Variants in SNTB1 observed in about 807,000 individuals in gnomAD.
SNTB1 encodes the protein syntrophin beta 1, also known as beta-1-syntrophin.
A neutral mutation model predicts 48.9 loss-of-function variants in SNTB1; 36 were observed. The observed-to-expected ratio is 0.74, with a 90% CI of 0.56 to 0.97. The LOEUF (loss-of-function observed/expected upper bound fraction) is 0.97, where lower values mean the gene tolerates loss of function less well. Ranked by LOEUF, SNTB1 falls within the 50% of genes least tolerant of loss-of-function variation. The probability of loss-of-function intolerance (pLI) is 0.00; values close to 1 mark genes in which losing one functional copy is unlikely to be tolerated. For missense variants in SNTB1, 786 were observed against 703.4 expected (o/e 1.12, Z -1.33); for synonymous variants, 299 against 294.6 (o/e 1.01, Z -0.15).
chr8:120,595,469 G>C (rs1045895757), intron 3 of SNTB1, among the ~76,000 whole-genome samples: 8 of 152,066 alleles, frequency 5.3e-5, no homozygotes, highest in African/African-American at 1.9e-4. Context: ...AAAGGGGGAG[G>C]CATGAATAAT....
chr8:120,715,493 G>A (rs1427665479), intron 1 of SNTB1, among the ~76,000 whole-genome samples: 1 of 151,570 alleles, frequency 6.6e-6, no homozygotes, highest in Admixed American at 6.6e-5. Flanking sequence ...AGCATAAATG[G>A]TTAAAAACAA....
At chr8:120,767,645 C>A (rs898961081) in intron 1 of SNTB1, among the ~76,000 whole-genome samples, 1 of 152,164 alleles carries the variant, frequency 6.6e-6, no homozygotes, top group Non-Finnish European at 1.5e-5. Context: ...CACTTAGCCT[C>A]TTTGTTCTTC....
intron 2 of SNTB1, among the ~76,000 whole-genome samples, chr8:120,646,962 T>G (rs889646167): frequency 6.6e-6 from 1 of 151,988 alleles, no homozygotes; most frequent in East Asian, 1.9e-4. Flanking sequence ...TAGAGGTGTT[T>G]GTAGTATTCT....
chr8:120,657,691 AAAT>A (rs1217919843), intron 2 of SNTB1, among the ~76,000 whole-genome samples: 1 of 152,218 alleles, frequency 6.6e-6, no homozygotes. Context: ...GTTTCATGTA[AAAT>A]AATAAGATTT....
At chr8:120,654,017 G>GAGAC (rs1817454214) in intron 2 of SNTB1, among the ~76,000 whole-genome samples, 1 of 101,050 alleles carries the variant, frequency 9.9e-6, no homozygotes, top group African/African-American at 3.5e-5. Flanking sequence ...TCCAGCCTGG[G>GAGAC]AGACAGAGCG....
intron 1 of SNTB1, among the ~76,000 whole-genome samples, chr8:120,767,341 G>A (rs1176610079): frequency 6.6e-6 from 1 of 152,140 alleles, no homozygotes; most frequent in Non-Finnish European, 1.5e-5. Context: ...TGGGTGGGAA[G>A]CTGAAATAAA....
intron 1 of SNTB1, among the ~76,000 whole-genome samples, chr8:120,739,016 T>A (rs1818998773): frequency 6.6e-6 from 1 of 152,098 alleles, no homozygotes; most frequent in Non-Finnish European, 1.5e-5. Flanking sequence ...GTTTGACAGT[T>A]GAAGTGGGTG....
At chr8:120,690,825 T>C (rs1022019539) in intron 2 of SNTB1, among the ~76,000 whole-genome samples, 4 of 152,210 alleles carry the variant, frequency 2.6e-5, no homozygotes, top group Non-Finnish European at 4.4e-5. Flanking sequence ...TTTTATTTTC[T>C]TCTCTTCTTC....
At chr8:120,661,506 T>C (rs1017407091) in intron 2 of SNTB1, among the ~76,000 whole-genome samples, 4 of 152,114 alleles carry the variant, frequency 2.6e-5, no homozygotes, top group African/African-American at 9.7e-5. Context: ...TTACTTTAAG[T>C]TCTAGGATAC....
chr8:120,611,167 G>C (rs747273120), intron 3 of SNTB1, among the ~76,000 whole-genome samples: 1 of 152,188 alleles, frequency 6.6e-6, no homozygotes, highest in Non-Finnish European at 1.5e-5. Flanking sequence ...ACGCTAAACA[G>C]AGTGCATATG....
intron 1 of SNTB1, among the ~76,000 whole-genome samples, chr8:120,783,518 G>A (rs1348764952): frequency 1.3e-5 from 2 of 152,018 alleles, no homozygotes; most frequent in South Asian, 2.1e-4. Context: ...GTTTTCTTAT[G>A]GAAAAAGTTT....
At chr8:120,621,390 A>C (rs536136748) in intron 3 of SNTB1, among the ~76,000 whole-genome samples, 36 of 152,338 alleles carry the variant, frequency 2.4e-4, no homozygotes, top group African/African-American at 8.7e-4. Flanking sequence ...GAAGATGCCA[A>C]GATTAGTTCA....
intron 2 of SNTB1, among the ~76,000 whole-genome samples, chr8:120,645,563 G>T (rs1405335857): frequency 2.7e-5 from 4 of 147,636 alleles, no homozygotes; most frequent in African/African-American, 1.0e-4. Context: ...TTTGGTTACT[G>T]TAGCCTTGTA....
At chr8:120,702,277 A>T (rs906029650) in intron 1 of SNTB1, among the ~76,000 whole-genome samples, 1 of 152,192 alleles carries the variant, frequency 6.6e-6, no homozygotes, top group South Asian at 2.1e-4. Flanking sequence ...AGTGACATGC[A>T]CTAGAGGACA....
intron 3 of SNTB1, among the ~76,000 whole-genome samples, chr8:120,576,758 T>A (rs990580183): frequency 6.6e-6 from 1 of 152,182 alleles, no homozygotes; most frequent in Non-Finnish European, 1.5e-5. Flanking sequence ...AGTTTCTGGA[T>A]CTGTAAAATG....
At chr8:120,707,991 G>A (rs1818406735) in intron 1 of SNTB1, among the ~76,000 whole-genome samples, 1 of 151,482 alleles carries the variant, frequency 6.6e-6, no homozygotes, top group Non-Finnish European at 1.5e-5. Context: ...AAATCTAAAG[G>A]TCATATAGGA....
At chr8:120,653,777 C>T (rs888503994) in intron 2 of SNTB1, among the ~76,000 whole-genome samples, 2 of 151,900 alleles carry the variant, frequency 1.3e-5, no homozygotes, top group African/African-American at 2.4e-5. Context: ...CTGTGGCTCA[C>T]GCCTGTAATC....
At chr8:120,809,442 A>AT (rs149766945) in intron 1 of SNTB1, among the ~76,000 whole-genome samples, 3,358 of 151,866 alleles carry the variant, frequency 0.022, 118 homozygotes, top group African/African-American at 0.074. Flanking sequence ...TAACTGCTTG[A>AT]TTTTTTTTCT....
At chr8:120,718,690 G>A (rs1032053260) in intron 1 of SNTB1, among the ~76,000 whole-genome samples, 4 of 152,168 alleles carry the variant, frequency 2.6e-5, no homozygotes, top group Admixed American at 2.0e-4. Context: ...GGTTTGACAG[G>A]TGGGAAGTGA....
Sources: gnomAD v4.1 joint callset for allele counts (sites outside exome capture counted in the v4.1 genomes callset) on GRCh38, gnomAD v4.1.1 for gene constraint, MANE v1.5 for transcripts, NCBI Gene and HGNC (gene_info 2026-07-23, HGNC 2026-07-21) for gene names.